Variants in FOXP2 observed in about 807,000 individuals in gnomAD.
FOXP2 encodes forkhead box protein P2.
Under a neutral mutation model 115.8 loss-of-function variants are expected in FOXP2, and 12 were observed. The observed-to-expected ratio is 0.10, with a 90% CI of 0.07 to 0.17. The LOEUF (loss-of-function observed/expected upper bound fraction) is 0.17. FOXP2 is among the 10% of genes least tolerant of loss of function. The pLI is 1.00. For synonymous variants in FOXP2, 328 were observed against 297.7 expected (o/e 1.10, Z -1.05); for missense variants, 629 against 843.5 (o/e 0.75, Z 3.15).
intron 2 of FOXP2, among the ~76,000 whole-genome samples, chr7:114,381,211 A>T (rs543896535): frequency 1.3e-5 from 2 of 152,308 alleles, no homozygotes; most frequent in Admixed American, 6.5e-5. Flanking sequence ...GGTTAGATAC[A>T]TTCCTCACTG....
intron 16 of FOXP2, among the ~76,000 whole-genome samples, chr7:114,689,017 G>T (rs1205044348): frequency 6.6e-6 from 1 of 152,068 alleles, no homozygotes; most frequent in African/African-American, 2.4e-5. Context: ...TTTCCACCAG[G>T]TGCTATCTGT....
At chr7:114,466,073 G>A (rs371736652) in intron 2 of FOXP2, among the ~76,000 whole-genome samples, 19 of 152,254 alleles carry the variant, frequency 1.2e-4, no homozygotes, top group African/African-American at 3.6e-4. Context: ...AACCATTGGA[G>A]CTTCTCTTCT....
intron 3 of FOXP2, among the ~76,000 whole-genome samples, chr7:114,552,314 G>C (rs958420974): frequency 1.3e-5 from 2 of 152,150 alleles, no homozygotes; most frequent in African/African-American, 4.8e-5. Context: ...TGGGTTCAAG[G>C]TTTGACTCCA....
chr7:114,336,350 C>G (rs1016947728), intron 2 of FOXP2, among the ~76,000 whole-genome samples: 3 of 151,222 alleles, frequency 2.0e-5, no homozygotes, highest in East Asian at 3.9e-4. Context: ...ACGACATCCC[C>G]AAAATCTTAA....
chr7:114,393,992 G>T, intron 2 of FOXP2, among the ~76,000 whole-genome samples: 1 of 16,920 alleles, frequency 5.9e-5, no homozygotes, highest in South Asian at 0.011. Context: ...GTGTGTGTGT[G>T]TGTGTGTGTG....
At chr7:114,233,806 A>T (rs112736073) in intron 1 of FOXP2, among the ~76,000 whole-genome samples, 1 of 152,184 alleles carries the variant, frequency 6.6e-6, no homozygotes, top group Admixed American at 6.5e-5. Flanking sequence ...TGATGCCAGG[A>T]GTTTGAGACC....
At chr7:114,537,767 T>G (rs1391172684) in intron 3 of FOXP2, among the ~76,000 whole-genome samples, 2 of 151,670 alleles carry the variant, frequency 1.3e-5, no homozygotes, top group African/African-American at 4.8e-5. Flanking sequence ...TGAATATATG[T>G]ATTTGAAACA....
At chr7:114,568,356 G>A (rs1472270344) in intron 3 of FOXP2, among the ~76,000 whole-genome samples, 1 of 150,738 alleles carries the variant, frequency 6.6e-6, no homozygotes, top group Non-Finnish European at 1.5e-5. Flanking sequence ...AAAATAATGA[G>A]TATATACTGT....
In FOXP2 at chr7:114,559,620, C is replaced by T. The variant is rs182691934; in HGVS notation, c.258+24914C>T. ...TATTTTGGCTGGGCGCGGTGGCTCACGCCTGTAATCCCAGCACTTTGGGAG... is the reference window on the plus strand; with the variant it reads ...TATTTTGGCTGGGCGCGGTGGCTCATGCCTGTAATCCCAGCACTTTGGGAG... On this transcript the variant is annotated intron_variant, in intron 3 of 16. Transcript: ENST00000350908. Among the ~76,000 whole-genome samples the T allele has an allele frequency of 1.8e-3, 275 of 152,298 alleles. 1 individual carries two copies. The highest frequency in any genetic ancestry group is 3.9e-3 in the East Asian group (20 of 5,182).
intron 1 of FOXP2, among the ~76,000 whole-genome samples, chr7:114,181,612 G>A (rs1293474664): frequency 6.6e-6 from 1 of 152,028 alleles, no homozygotes; most frequent in Non-Finnish European, 1.5e-5. Context: ...GAAAAGTTAA[G>A]TAGCTGGTCC....
chr7:114,261,495 T>A (rs992362106), intron 1 of FOXP2, among the ~76,000 whole-genome samples: 2 of 152,308 alleles, frequency 1.3e-5, no homozygotes, highest in African/African-American at 2.4e-5. Flanking sequence ...TAAACATTTT[T>A]AAAATGTTTA....
intron 7 of FOXP2, among the ~76,000 whole-genome samples, 180 bp downstream of exon 7, chr7:114,642,803 TATATATA>T (rs1254507715): frequency 0.023 from 1,037 of 45,680 alleles, 20 homozygotes; most frequent in Middle Eastern, 0.048. Context: ...TATATATATA[TATATATA>T]TATTTTTTTT....
chr7:114,480,898 C>T (rs929647716), intron 2 of FOXP2, among the ~76,000 whole-genome samples: 1 of 150,934 alleles, frequency 6.6e-6, no homozygotes, highest in African/African-American at 2.4e-5. Context: ...AGTCAGTCTC[C>T]CAATAAACAG....
intron 3 of FOXP2, among the ~76,000 whole-genome samples, chr7:114,581,709 C>T (rs1801878561): frequency 1.3e-5 from 2 of 152,158 alleles, no homozygotes. Flanking sequence ...ATGTATCCAC[C>T]ATTGTAGTAT....
intron 1 of FOXP2, among the ~76,000 whole-genome samples, chr7:114,241,922 C>A (rs897371423): frequency 3.3e-5 from 5 of 151,116 alleles, no homozygotes; most frequent in African/African-American, 1.2e-4. Flanking sequence ...TCCTTGAAAT[C>A]TTCTAGTGGC....
intron 3 of FOXP2, among the ~76,000 whole-genome samples, chr7:114,607,712 A>G (rs1803405685): frequency 6.6e-6 from 1 of 152,190 alleles, no homozygotes; most frequent in Non-Finnish European, 1.5e-5. Context: ...AAACCTAAAC[A>G]TAGTGGGAGT....
chr7:114,097,567 A>G (rs1253289754), intron 1 of FOXP2, among the ~76,000 whole-genome samples: 1 of 152,202 alleles, frequency 6.6e-6, no homozygotes, highest in Non-Finnish European at 1.5e-5. Flanking sequence ...ATTTAGGCTT[A>G]TTAGCAGGTG....
intron 1 of FOXP2, among the ~76,000 whole-genome samples, chr7:114,222,393 G>A (rs962976944): frequency 2.0e-5 from 3 of 151,950 alleles, no homozygotes; most frequent in Admixed American, 6.6e-5. Context: ...CAAGTGATCC[G>A]CCCACCTCAG....
chr7:114,241,496 G>A (rs1316442905), intron 1 of FOXP2, among the ~76,000 whole-genome samples: 1 of 151,956 alleles, frequency 6.6e-6, no homozygotes, highest in Admixed American at 6.6e-5. Flanking sequence ...TAATTCTATT[G>A]GACAGAATAA....
Sources: allele counts gnomAD v4.1 joint callset (sites outside exome capture counted in the v4.1 genomes callset), GRCh38; gene constraint gnomAD v4.1.1; transcripts MANE v1.5; gene names NCBI Gene and HGNC (gene_info 2026-07-23, HGNC 2026-07-21).